Variants in NEK9 observed in about 807,000 individuals in gnomAD.
NEK9 encodes the protein NIMA related kinase 9, also known as serine/threonine-protein kinase Nek9.
NEK9 carries 75 observed loss-of-function variants against 123.4 expected under a neutral mutation model. That is an observed-to-expected ratio of 0.61 (90% CI 0.50 to 0.74). The LOEUF is 0.74. NEK9 is among the 30% of genes least tolerant of loss of function. NEK9 has a pLI of 0.00. For synonymous variants in NEK9, 438 were observed against 458.7 expected (o/e 0.95, Z 0.58); for missense variants, 952 against 1,214.4 (o/e 0.78, Z 3.21).
At position 75,087,011 on chromosome 14, in the gene NEK9, C is replaced by G. The variant is rs778815549; in HGVS notation, c.2817+7G>C. 1 of 1,612,570 alleles carries G rather than the reference C, an allele frequency of 6.2e-7. No homozygotes were observed. The highest frequency in any genetic ancestry group is 8.5e-7 in the Non-Finnish European group (1 of 1,178,532). On this transcript the variant is annotated splice_region_variant and intron_variant, in intron 21 of 21. Transcript: ENST00000238616. ...TAGAAATTGGATTATTCTTTTAATG[C>G]TCTCACCTGCTGCCCTCCTTCTAAT...
chr14:75,090,288 T>A (rs563639792), intron 19 of NEK9, among the ~76,000 whole-genome samples: 1 of 151,920 alleles, frequency 6.6e-6, no homozygotes, highest in Non-Finnish European at 1.5e-5. Context: ...TTTTTTTTTT[T>A]TTTTTTGGTA....
chr14:75,091,270 CT>C lies in NEK9; in HGVS notation c.2441del (p.Lys814ArgfsTer52). Reference protein sequence around the residue: ...ASSSCPGWLRKELENAEFIPM... With the variant: ...ASSSCPGWLRXELENAEFIPM... ...AAGTTACTTCTTCCAAAGGAATTAC[CT>C]TTCGAAGCCAGCCAGGACAGGAGCT... On this transcript the variant is annotated frameshift_variant and splice_region_variant, in exon 19 of 22. Transcript: ENST00000238616. LOFTEE classifies it high-confidence loss of function. 2.5e-6 allele frequency: 4 copies of C among 1,604,894 alleles called. No homozygotes were observed. Among genetic ancestry groups the C allele is most frequent in the Non-Finnish European group, 3.4e-6 (4 of 1,176,616 alleles).
intron 14 of NEK9, 71 bp downstream of exon 14, chr14:75,103,771 T>C (rs1566649092): frequency 4.0e-6 from 6 of 1,487,058 alleles, no homozygotes; most frequent in Admixed American, 2.0e-5. Context: ...TAACCAATAA[T>C]GGCATCTCAA....
At position 75,119,004 on chromosome 14, in the gene NEK9, C is replaced by T; in HGVS notation, c.525-69G>A. Reference sequence around the variant, plus strand: ...GTTTTATTTCATCCCCCGCCTTGCCCAGGATTATTACAGAATAAAAATGAG... The same window carrying T: ...GTTTTATTTCATCCCCCGCCTTGCCTAGGATTATTACAGAATAAAAATGAG... On this transcript the variant is annotated intron_variant, in intron 4 of 21. Transcript: ENST00000238616. The T allele has an allele frequency of 4.5e-6, 4 of 888,856 alleles. No homozygotes were observed. In the South Asian group the frequency reaches 5.4e-5, roughly 12 times the overall value. 55.1% of individuals were successfully genotyped at this position (888,856 alleles called of 1,614,324 possible).
chr14:75,126,747 C>G lies in NEK9; in HGVS notation c.175G>C (p.Gly59Arg). Residue 59 changes from glycine to arginine, a missense_variant, in exon 1 of 22, where the codon GGC becomes CGC. This residue lies in a region of NEK9 where 120 missense variants were observed against 97.6 expected (regional missense o/e 1.23). Coordinates refer to ENST00000238616, the MANE Select transcript of NEK9 (RefSeq NM_033116.6). ...GTGGCTTCCCCGAAGGCGCCGCGGC[C>G]CAGGACGCGGATGGGGATGTAGTGC... Reference protein sequence around the residue: ...ELHYIPIRVLGRGAFGEATLY... With the variant: ...ELHYIPIRVLRRGAFGEATLY... 6.7e-7 allele frequency: 1 copy of G among 1,503,040 alleles called. No homozygotes were observed. Among genetic ancestry groups the G allele is most frequent in the Non-Finnish European group, 8.9e-7 (1 of 1,127,058 alleles). The allele number at this position is 1,503,040 out of a possible 1,614,324, so 93.1% of individuals were successfully genotyped here.
In NEK9 at chr14:75,120,977, T is replaced by C. The variant is rs756432611; in HGVS notation, c.453+142A>G. On this transcript the variant is annotated intron_variant, in intron 3 of 21. Coordinates refer to ENST00000238616, the MANE Select transcript of NEK9 (RefSeq NM_033116.6). ...GACAGCTTCCTTGTTAGAGGTTTCC[T>C]TTCTCATGAATATCAGAGCCTGGAA... is the stretch of plus-strand genomic sequence containing the variant. 8 of 748,238 alleles carry C rather than the reference T, an allele frequency of 1.1e-5. No homozygotes were observed. The Admixed American group carries it at 1.4e-4, about 13-fold the overall frequency. 46.3% of individuals were successfully genotyped at this position (748,238 alleles called of 1,614,324 possible). A position where few individuals can be genotyped will look rare whatever the true frequency, so the allele number is the denominator to read the frequency against.
intron 11 of NEK9, 105 bp from the exon 12 acceptor site, chr14:75,106,807 C>T (rs1339729339): frequency 1.3e-6 from 1 of 796,506 alleles, no homozygotes; most frequent in Non-Finnish European, 2.0e-6. Context: ...AATGATCTCA[C>T]ATGAATTGAT....
intron 14 of NEK9, 80 bp from the exon 15 acceptor site, chr14:75,101,845 CT>C: frequency 9.8e-7 from 1 of 1,024,396 alleles, no homozygotes; most frequent in South Asian, 1.4e-5. Flanking sequence ...GAAAAAAGTC[CT>C]GGTGACCAAA....
intron 18 of NEK9, among the ~76,000 whole-genome samples, chr14:75,093,493 G>A (rs536151292): frequency 4.0e-5 from 6 of 151,558 alleles, no homozygotes; most frequent in South Asian, 4.2e-4. Context: ...TCACTCTTTC[G>A]CCAGGCTGGC....
intron 12 of NEK9, chr14:75,106,228 G>A (rs1208743378): frequency 6.7e-6 from 4 of 593,968 alleles, no homozygotes; most frequent in Admixed American, 3.0e-5. Flanking sequence ...GTGTGATGGT[G>A]TGTGCCTGTA....
intron 3 of NEK9, 120 bp from the exon 4 acceptor site, chr14:75,120,700 TTGACA>T: frequency 1.3e-6 from 1 of 747,544 alleles, no homozygotes; most frequent in Non-Finnish European, 2.2e-6. Flanking sequence ...TCAACATGAC[TTGACA>T]TCTCTTCCTT....
chr14:75,101,058 G>A lies in NEK9; in HGVS notation c.1936C>T (p.Pro646Ser). Residue 646 changes from proline (P) to serine (S), a missense_variant, in exon 16 of 22, where the codon CCC becomes TCC. Physicochemically the swap from Pro to Ser is moderately conservative, Grantham distance 74. Coordinates refer to ENST00000238616, the MANE Select transcript of NEK9 (RefSeq NM_033116.6). The part of the protein sequence containing the change: ...KRLGINLLGG[P>S]LGGKQVIRVS... ...CTGATCACTTGCTTCCCACCAAGGG[G>A]TCCCCCCAACAGGTTGATTCCCAGA... The A allele has an allele frequency of 6.2e-7, 1 of 1,614,218 alleles. No homozygotes were observed. Among genetic ancestry groups the A allele is most frequent in the Admixed American group, 1.7e-5 (1 of 60,026 alleles).
At chr14:75,106,115 G>A in intron 12 of NEK9, 119 bp from the exon 13 acceptor site, 1 of 864,812 alleles carries the variant, frequency 1.2e-6, no homozygotes, top group South Asian at 1.4e-5. Flanking sequence ...CAGCACTTTG[G>A]GAGGCCGAGG....
chr14:75,116,008 A>G (rs1450982936), intron 6 of NEK9, among the ~76,000 whole-genome samples: 3 of 152,240 alleles, frequency 2.0e-5, no homozygotes, highest in Non-Finnish European at 4.4e-5. Flanking sequence ...TAGGTATTGC[A>G]GAAAATAAAG....
At chr14:75,123,367 C>G (rs1895405702) in intron 2 of NEK9, among the ~76,000 whole-genome samples, 1 of 151,966 alleles carries the variant, frequency 6.6e-6, no homozygotes, top group South Asian at 2.1e-4. Flanking sequence ...CACCATTGCA[C>G]TCCAGCCTTT....
intron 3 of NEK9, 123 bp from the exon 4 acceptor site, chr14:75,120,703 A>G: frequency 2.7e-6 from 2 of 740,584 alleles, no homozygotes; most frequent in Non-Finnish European, 2.2e-6. Context: ...ACATGACTTG[A>G]CATCTCTTCC....
chr14:75,114,437 T>C (rs1895061636), intron 6 of NEK9, 124 bp from the exon 7 acceptor site: 1 of 725,482 alleles, frequency 1.4e-6, no homozygotes, highest in African/African-American at 1.8e-5. Context: ...TGACTTCTTG[T>C]TATAACTACT....
chr14:75,099,536 C>T (rs1465366306), intron 16 of NEK9, among the ~76,000 whole-genome samples: 38 of 152,110 alleles, frequency 2.5e-4, no homozygotes, highest in Admixed American at 2.5e-3. Flanking sequence ...AATCCCAGCA[C>T]TTTCGGAGGC....
In NEK9 at chr14:75,091,266, T is replaced by C. The variant is rs200445076; in HGVS notation, c.2442+4A>G. The C allele has an allele frequency of 9.8e-5, 157 of 1,603,344 alleles. No homozygotes were observed. The African/African-American group carries it at 1.9e-3, about 19-fold the overall frequency. On this transcript the variant is annotated splice_donor_region_variant and intron_variant, in intron 19 of 21. Coordinates refer to ENST00000238616, the MANE Select transcript of NEK9 (RefSeq NM_033116.6). Reference sequence around the variant, plus strand: ...ATCCAAGTTACTTCTTCCAAAGGAATTACCTTTCGAAGCCAGCCAGGACAG... The same window carrying C: ...ATCCAAGTTACTTCTTCCAAAGGAACTACCTTTCGAAGCCAGCCAGGACAG...
Sources: allele counts gnomAD v4.1 joint callset (sites outside exome capture counted in the v4.1 genomes callset), GRCh38; gene constraint gnomAD v4.1.1; regional missense constraint gnomAD v4.1.1; transcripts MANE v1.5; gene names NCBI Gene and HGNC (gene_info 2026-07-23, HGNC 2026-07-21).